The following PLEKHM3 variants were observed in gnomAD, a reference collection of about 807,000 sequenced individuals.
The protein encoded by PLEKHM3 is pleckstrin homology domain containing M3.
Under a neutral mutation model 81.8 loss-of-function variants are expected in PLEKHM3, and 45 were observed. The ratio of observed to expected loss-of-function variants is 0.55; its 90% CI spans 0.43 to 0.71. The LOEUF (loss-of-function observed/expected upper bound fraction) is 0.71, where lower values mean the gene tolerates loss of function less well. Ranked by LOEUF, PLEKHM3 falls within the 30% of genes least tolerant of loss-of-function variation. The pLI is 0.00. For missense variants in PLEKHM3, 788 were observed against 924.3 expected (o/e 0.85, Z 1.91); for synonymous variants, 352 against 356.4 (o/e 0.99, Z 0.14).
intron 5 of PLEKHM3, chr2:207,929,895 AC>A (rs772984185): frequency 3.1e-5 from 22 of 700,380 alleles, no homozygotes; most frequent in East Asian, 8.1e-5. Flanking sequence ...AGGTAGGCTT[AC>A]CTCCAAAAAC....
intron 6 of PLEKHM3, among the ~76,000 whole-genome samples, chr2:207,897,396 C>A (rs1039054748): frequency 6.6e-6 from 1 of 152,168 alleles, no homozygotes. Context: ...CAATACTCTA[C>A]CCCTAGTAAA....
At chr2:207,924,881 AAGG>A (rs796475605) in intron 5 of PLEKHM3, among the ~76,000 whole-genome samples, 7 of 152,208 alleles carry the variant, frequency 4.6e-5, no homozygotes, top group African/African-American at 1.7e-4. Flanking sequence ...CATTGAGGGC[AAGG>A]AGAAGGGGGA....
chr2:207,859,147 T>G (rs539090211), intron 7 of PLEKHM3, among the ~76,000 whole-genome samples: 1 of 149,960 alleles, frequency 6.7e-6, no homozygotes, highest in African/African-American at 2.4e-5. Flanking sequence ...TTTTTTTTTT[T>G]TTTTTTTGAG....
intron 7 of PLEKHM3, among the ~76,000 whole-genome samples, chr2:207,859,329 G>A (rs899456523): frequency 6.6e-6 from 1 of 151,318 alleles, no homozygotes; most frequent in African/African-American, 2.4e-5. Context: ...GTAGAGACGG[G>A]GTTTCTCCAT....
At chr2:207,865,795 A>AT (rs2092493448) in intron 6 of PLEKHM3, among the ~76,000 whole-genome samples, 2 of 37,672 alleles carry the variant, frequency 5.3e-5, no homozygotes, top group African/African-American at 3.0e-4. Flanking sequence ...AAAAAAAAAA[A>AT]AAAAAAAGAT....
intron 6 of PLEKHM3, among the ~76,000 whole-genome samples, chr2:207,906,873 C>CA (rs1322031407): frequency 6.6e-6 from 1 of 151,978 alleles, no homozygotes; most frequent in African/African-American, 2.4e-5. Flanking sequence ...CTAAAAGACA[C>CA]AAAAAATCCT....
intron 3 of PLEKHM3, among the ~76,000 whole-genome samples, chr2:207,954,584 C>A (rs1227288645): frequency 8.6e-5 from 13 of 151,754 alleles, no homozygotes; most frequent in African/African-American, 3.1e-4. Flanking sequence ...ACTAAGGCAA[C>A]CAAAAAAATA....
At chr2:207,841,677 CT>C (rs1010072097) in intron 7 of PLEKHM3, among the ~76,000 whole-genome samples, 7 of 151,086 alleles carry the variant, frequency 4.6e-5, no homozygotes, top group Non-Finnish European at 7.4e-5. Context: ...TGGAATAATA[CT>C]TTTTTTGTTC....
intron 2 of PLEKHM3, 134 bp downstream of exon 2, chr2:208,000,896 C>T: frequency 1.2e-6 from 1 of 826,048 alleles, no homozygotes; most frequent in Non-Finnish European, 1.8e-6. Context: ...TCTCATGAGC[C>T]AGATTAAGAG....
chr2:208,004,953 G>A (rs576865584), intron 1 of PLEKHM3, among the ~76,000 whole-genome samples: 101 of 152,178 alleles, frequency 6.6e-4, no homozygotes, highest in Non-Finnish European at 1.3e-3. Context: ...AACCTCCTGA[G>A]TAGTGGGGAT....
At chr2:208,023,198 G>A (rs979042799) in intron 1 of PLEKHM3, among the ~76,000 whole-genome samples, 1 of 150,716 alleles carries the variant, frequency 6.6e-6, no homozygotes, top group African/African-American at 2.5e-5. Flanking sequence ...AGGCTGGTGT[G>A]CGTGGCGTAA....
chr2:207,926,572 T>C (rs1051264939), intron 5 of PLEKHM3, among the ~76,000 whole-genome samples: 1 of 152,228 alleles, frequency 6.6e-6, no homozygotes, highest in African/African-American at 2.4e-5. Context: ...TGCACCTTCA[T>C]GTGTGGACAC....
At chr2:207,917,304 T>C (rs1689024583) in intron 5 of PLEKHM3, among the ~76,000 whole-genome samples, 1 of 152,198 alleles carries the variant, frequency 6.6e-6, no homozygotes, top group African/African-American at 2.4e-5. Context: ...ACAGAGAACA[T>C]AAAGAGTTGT....
At chr2:207,950,451 T>C (rs926622956) in intron 3 of PLEKHM3, among the ~76,000 whole-genome samples, 1 of 152,200 alleles carries the variant, frequency 6.6e-6, no homozygotes, top group Non-Finnish European at 1.5e-5. Context: ...GAGTGAGCAA[T>C]GGAATTTTCT....
intron 1 of PLEKHM3, among the ~76,000 whole-genome samples, chr2:208,007,438 A>G (rs1469705475): frequency 6.6e-6 from 1 of 152,186 alleles, no homozygotes; most frequent in Non-Finnish European, 1.5e-5. Flanking sequence ...AGCAGCTAGT[A>G]AGGAAATGGT....
chr2:207,919,679 T>TGTGAGTGGGC (rs1689117767), intron 5 of PLEKHM3, among the ~76,000 whole-genome samples: 1 of 152,134 alleles, frequency 6.6e-6, no homozygotes, highest in Admixed American at 6.5e-5. Context: ...TGGTTTGCAA[T>TGTGAGTGGGC]GTGAGTGGGC....
chr2:208,020,535 A>G lies in PLEKHM3; in HGVS notation c.-319+4854T>C, dbSNP rs543582431. Reference sequence around the variant, plus strand: ...TGGTATGATCCCACAGTAGCCAATGAAACAGAGCAAACATAATGCATGGAA... The same window carrying G: ...TGGTATGATCCCACAGTAGCCAATGGAACAGAGCAAACATAATGCATGGAA... On this transcript the variant is annotated intron_variant, in intron 1 of 7. Transcript: ENST00000427836. Among the ~76,000 whole-genome samples the G allele has an allele frequency of 8.5e-5, 13 of 152,364 alleles. No individual in the cohort carries two copies. The East Asian group carries it at 2.5e-3, about 29-fold the overall frequency.
chr2:207,872,916 G>A (rs1156261322), intron 6 of PLEKHM3, among the ~76,000 whole-genome samples: 1 of 152,070 alleles, frequency 6.6e-6, no homozygotes, highest in Admixed American at 6.6e-5. Context: ...TACAGCTGAG[G>A]AAAAACAGAA....
chr2:207,855,427 G>A (rs1215090439), intron 7 of PLEKHM3, among the ~76,000 whole-genome samples: 3 of 152,140 alleles, frequency 2.0e-5, no homozygotes, highest in Non-Finnish European at 2.9e-5. Context: ...AAATAAGTGA[G>A]GAAGAGACAG....
Sources: allele counts gnomAD v4.1 joint callset (sites outside exome capture counted in the v4.1 genomes callset), GRCh38; gene constraint gnomAD v4.1.1; transcripts MANE v1.5; gene names NCBI Gene and HGNC (gene_info 2026-07-23, HGNC 2026-07-21).